The following RNF157 variants were observed in gnomAD, a reference collection of about 807,000 sequenced individuals.
The protein encoded by RNF157 is ring finger protein 157.
In RNF157, 55 loss-of-function variants were observed where a neutral mutation model predicts 88.3. That is an observed-to-expected ratio of 0.62 (90% CI 0.50 to 0.78). The LOEUF (loss-of-function observed/expected upper bound fraction) is 0.78. RNF157 is among the 30% of genes least tolerant of loss of function. The pLI is 0.00. For synonymous variants in RNF157, 334 were observed against 341.2 expected (o/e 0.98, Z 0.23); for missense variants, 788 against 860.8 (o/e 0.92, Z 1.06).
intron 18 of RNF157, among the ~76,000 whole-genome samples, chr17:76,148,594 T>A (rs1174486541): frequency 7.8e-6 from 1 of 128,796 alleles, no homozygotes; most frequent in African/African-American, 3.0e-5. Context: ...AGATGGAGTC[T>A]CACTCCATCT....
At chr17:76,202,154 A>ACACACACACACT (rs2069594962) in intron 2 of RNF157, among the ~76,000 whole-genome samples, 2 of 151,876 alleles carry the variant, frequency 1.3e-5, no homozygotes, top group African/African-American at 4.8e-5. Context: ...ACACACACAC[A>ACACACACACACT]CACACACACA....
intron 1 of RNF157, among the ~76,000 whole-genome samples, chr17:76,230,898 G>GAGAA: frequency 7.1e-6 from 1 of 141,546 alleles, no homozygotes; most frequent in South Asian, 2.2e-4. Context: ...GAGAGAAAGA[G>GAGAA]AGAGAGAGAG....
Position 76,167,702 on chromosome 17 carries a change from G to A in RNF157, c.392C>T (p.Ala131Val), listed in dbSNP as rs1443168657. Residue 131 changes from alanine (A) to valine (V), a missense_variant, in exon 4 of 19, where the codon GCC becomes GTC. Transcript: ENST00000269391. ...CGTGGCCTGGTAATAGATGGTGATG[G>A]CTACCCGAGCATCTGTGTCAAAGGT... is the stretch of plus-strand genomic sequence containing the variant. ...EFTFDTDARV[A>V]ITIYYQATEE... The A allele has an allele frequency of 6.2e-7, 1 of 1,614,176 alleles. No individual in the cohort carries two copies. Among genetic ancestry groups the A allele is most frequent in the Admixed American group, 1.7e-5 (1 of 60,028 alleles).
chr17:76,156,950 T>G (rs1162940278), intron 13 of RNF157, among the ~76,000 whole-genome samples: 1 of 150,686 alleles, frequency 6.6e-6, no homozygotes, highest in Non-Finnish European at 1.5e-5. Flanking sequence ...GTTCACGCAG[T>G]CCTTCTTTTT....
At chr17:76,178,538 G>A (rs1169611757) in intron 2 of RNF157, among the ~76,000 whole-genome samples, 2 of 152,242 alleles carry the variant, frequency 1.3e-5, no homozygotes, top group Admixed American at 1.3e-4. Context: ...AGCCTGTCAG[G>A]CCAAGTGGGT....
chr17:76,212,920 C>T (rs542345657), intron 1 of RNF157, among the ~76,000 whole-genome samples: 1 of 152,238 alleles, frequency 6.6e-6, no homozygotes, highest in East Asian at 1.9e-4. Flanking sequence ...ATTTCTAATC[C>T]CAGAGTGTTT....
At chr17:76,164,927 G>A (rs940742483) in intron 7 of RNF157, 132 bp from the exon 8 acceptor site, 24 of 595,740 alleles carry the variant, frequency 4.0e-5, no homozygotes, top group African/African-American at 1.9e-4. Flanking sequence ...TCAATTACCC[G>A]CCATCAACCA....
intron 1 of RNF157, among the ~76,000 whole-genome samples, chr17:76,237,204 G>T (rs1463642040): frequency 6.6e-6 from 1 of 152,200 alleles, no homozygotes; most frequent in Non-Finnish European, 1.5e-5. Flanking sequence ...TTAAATGTTT[G>T]TTTCAATGTG....
intron 2 of RNF157, among the ~76,000 whole-genome samples, chr17:76,180,695 G>A (rs1189508601): frequency 3.3e-5 from 5 of 152,172 alleles, no homozygotes; most frequent in African/African-American, 1.2e-4. Flanking sequence ...AAAGTGCGGG[G>A]ATTAGAGGTG....
At position 76,146,409 on chromosome 17, in the gene RNF157, CTCT is replaced by C; in HGVS notation, c.1922-1059_1922-1057del. On this transcript the variant is annotated intron_variant, in intron 18 of 18. Transcript: ENST00000269391. The surrounding 1 kb of genome is among the most constrained non-coding windows in gnomAD (Gnocchi z 4.2). ...CCATCTCGCCTCTCCCCTGGGAGTC[CTCT>C]TCATCTCCTGCCCACAGATGAGCTC... The C allele has an allele frequency of 8.1e-6, 8 of 985,598 alleles. No homozygotes were observed. Among genetic ancestry groups the C allele is most frequent in the Non-Finnish European group, 9.6e-6 (8 of 830,044 alleles). 61.1% of individuals were successfully genotyped at this position (985,598 alleles called of 1,614,324 possible).
Position 76,210,807 on chromosome 17 carries a change from C to T in RNF157, c.207+1557G>A, listed in dbSNP as rs561762861. On this transcript the variant is annotated intron_variant, in intron 2 of 18. Transcript: ENST00000269391. ...ATCAAGGTAACACAGCCGCCACCTA[C>T]CTTTCTCTTTTTTTTGAAACAGAGT... 2.0e-5 allele frequency among the ~76,000 whole-genome samples: 3 copies of T among 151,886 alleles called. No homozygotes were observed. In the East Asian group the frequency reaches 5.8e-4, roughly 29 times the overall value.
chr17:76,191,127 A>G (rs917107188), intron 2 of RNF157, among the ~76,000 whole-genome samples: 5 of 152,296 alleles, frequency 3.3e-5, no homozygotes, highest in African/African-American at 1.2e-4. Flanking sequence ...GCTAAGGACT[A>G]CATTCTATTC....
chr17:76,200,213 G>T (rs1159151215), intron 2 of RNF157, among the ~76,000 whole-genome samples: 1 of 151,804 alleles, frequency 6.6e-6, no homozygotes, highest in Non-Finnish European at 1.5e-5. Context: ...CTCCATGCCA[G>T]CCTGGGCGAC....
intron 2 of RNF157, among the ~76,000 whole-genome samples, chr17:76,178,541 A>T (rs2069140675): frequency 6.6e-6 from 1 of 152,250 alleles, no homozygotes; most frequent in South Asian, 2.1e-4. Context: ...CTGTCAGGCC[A>T]AGTGGGTGGA....
In RNF157 at chr17:76,240,208, G is replaced by T. The variant is rs763923581; in HGVS notation, c.33C>A (p.Gly11=). The change falls in exon 1 of 19, where the codon GGC becomes GGA. Residue 11 remains glycine (G), a synonymous_variant. Coordinates refer to ENST00000269391, the MANE Select transcript of RNF157 (RefSeq NM_052916.3). The surrounding 1 kb of genome is among the most constrained non-coding windows in gnomAD (Gnocchi z 4.4). ...TAGACGGGATGTCCACCTCCTCCAC[G>T]CCCGCGTGCTGCCGGCTCGTCAGGG... MGALTSRQHA[G]VEEVDIPSNS... 7.1e-7 allele frequency: 1 copy of T among 1,403,596 alleles called. No homozygotes were observed. Among genetic ancestry groups the T allele is most frequent in the Non-Finnish European group, 9.4e-7 (1 of 1,063,746 alleles). 86.9% of individuals were successfully genotyped at this position (1,403,596 alleles called of 1,614,324 possible). A position where few individuals can be genotyped will look rare whatever the true frequency, so the allele number is the denominator to read the frequency against.
intron 1 of RNF157, among the ~76,000 whole-genome samples, chr17:76,218,114 A>G (rs1482519747): frequency 6.6e-6 from 1 of 152,228 alleles, no homozygotes; most frequent in Non-Finnish European, 1.5e-5. Context: ...TATCAAGAAA[A>G]AAAACCAAAA....
chr17:76,156,049 G>A (rs889529218), intron 14 of RNF157, among the ~76,000 whole-genome samples, 161 bp downstream of exon 14: 3 of 152,108 alleles, frequency 2.0e-5, no homozygotes, highest in Non-Finnish European at 4.4e-5. Flanking sequence ...GCTATCCCAT[G>A]GTAGGAAAGC....
chr17:76,209,519 AC>A (rs2069740819), intron 2 of RNF157, among the ~76,000 whole-genome samples: 1 of 149,642 alleles, frequency 6.7e-6, no homozygotes, highest in African/African-American at 2.5e-5. Context: ...AGCTATCGTT[AC>A]TGCTAGTGTA....
chr17:76,231,813 CAAT>C (rs982066050), intron 1 of RNF157, among the ~76,000 whole-genome samples: 3 of 152,106 alleles, frequency 2.0e-5, no homozygotes, highest in Admixed American at 6.5e-5. Flanking sequence ...TTGAACAATT[CAAT>C]GATTTTGGCA....
Sources: allele counts gnomAD v4.1 joint callset (sites outside exome capture counted in the v4.1 genomes callset), GRCh38; gene constraint gnomAD v4.1.1; non-coding constraint Gnocchi (gnomAD v3.1); transcripts MANE v1.5; gene names NCBI Gene and HGNC (gene_info 2026-07-23, HGNC 2026-07-21).